Variants in MRPL30 observed in about 807,000 individuals in gnomAD.
MRPL30 encodes large ribosomal subunit protein uL30m.
Under a neutral mutation model 17.2 loss-of-function variants are expected in MRPL30, and 10 were observed. That is an observed-to-expected ratio of 0.58 (90% CI 0.36 to 0.99). The LOEUF (loss-of-function observed/expected upper bound fraction) is 0.99, where lower values mean the gene tolerates loss of function less well. MRPL30 is among the 50% of genes least tolerant of loss of function. The probability of loss-of-function intolerance (pLI) is 0.01; values close to 1 mark genes in which losing one functional copy is unlikely to be tolerated. For synonymous variants in MRPL30, 61 were observed against 62.1 expected (o/e 0.98, Z 0.08); for missense variants, 170 against 189.8 (o/e 0.90, Z 0.61).
chr2:99,194,205 G>A (rs1485620281), intron 3 of MRPL30, among the ~76,000 whole-genome samples: 2 of 151,888 alleles, frequency 1.3e-5, no homozygotes, highest in Non-Finnish European at 2.9e-5. Flanking sequence ...ATCCTTATTC[G>A]GTATATTTTG....
rs929464849 is a variant in MRPL30 at position 99,198,495 on chromosome 2, G to T, written c.*2790G>T. 2.6e-5 allele frequency among the ~76,000 whole-genome samples: 4 copies of T among 152,148 alleles called. No individual in the cohort carries two copies. In the East Asian group the frequency reaches 7.7e-4, roughly 29 times the overall value. ...TCAAATAAATGCAATCATGTGCCTCGTGTCACCTTTTTTGCATTCCATTCA... is the reference window on the plus strand; with the variant it reads ...TCAAATAAATGCAATCATGTGCCTCTTGTCACCTTTTTTGCATTCCATTCA... On this transcript the variant is annotated 3_prime_UTR_variant, in exon 6 of 6. Coordinates refer to ENST00000338148, the MANE Select transcript of MRPL30 (RefSeq NM_145212.4).
chr2:99,185,501 G>C (rs759349160), intron 1 of MRPL30, among the ~76,000 whole-genome samples: 1 of 152,094 alleles, frequency 6.6e-6, no homozygotes, highest in Non-Finnish European at 1.5e-5. Context: ...TAATCTTTCT[G>C]CTATCAGTAT....
chr2:99,185,686 G>A, intron 1 of MRPL30: 2 of 348,510 alleles, frequency 5.7e-6, no homozygotes, highest in South Asian at 4.2e-5. Flanking sequence ...ACTTGCCTAG[G>A]AATTAGGAGA....
Position 99,190,690 on chromosome 2 carries a change from G to T in MRPL30, c.132+2433G>T, listed in dbSNP as rs1391778597. The stretch of plus-strand genomic sequence containing the variant: ...TTCTGGAAGGATAGATACAAATGTT[G>T]GCATTCATTTAAAATATGCAAGGCT... On this transcript the variant is annotated intron_variant, in intron 3 of 5. Transcript: ENST00000338148. Among the ~76,000 whole-genome samples the T allele has an allele frequency of 2.0e-5, 3 of 152,050 alleles. No homozygotes were observed. The East Asian group carries it at 5.8e-4, about 29-fold the overall frequency.
chr2:99,186,232 A>C lies in MRPL30; in HGVS notation c.29A>C (p.Gln10Pro), dbSNP rs761347777. Residue 10 changes from glutamine (Q) to proline (P), a missense_variant, in exon 2 of 6, where the codon CAA (glutamine) becomes CCA (proline). Physicochemically the swap from Gln to Pro is moderately conservative, Grantham distance 76. Transcript: ENST00000338148. ...GCTGGGATTTTGCGCTTAGTAGTTC[A>C]ATGGCCCCCAGGCAGACTACAGGTA... MAGILRLVVQWPPGRLQTVT... is the reference protein window; with the variant it reads MAGILRLVVPWPPGRLQTVT... 4 of 1,613,990 alleles carry C rather than the reference A, an allele frequency of 2.5e-6. No homozygotes were observed. Among genetic ancestry groups the C allele is most frequent in the Non-Finnish European group, 3.4e-6 (4 of 1,179,988 alleles).
At chr2:99,187,849 T>G (rs1418158541) in intron 2 of MRPL30, among the ~76,000 whole-genome samples, 2 of 151,860 alleles carry the variant, frequency 1.3e-5, no homozygotes, top group Non-Finnish European at 2.9e-5. Context: ...AAGAAAAGTT[T>G]GCATATTGTC....
chr2:99,192,399 G>A (rs931275737), intron 3 of MRPL30, among the ~76,000 whole-genome samples: 2 of 152,036 alleles, frequency 1.3e-5, no homozygotes, highest in Admixed American at 6.6e-5. Context: ...CATGCATTAG[G>A]TGTTTGTCCT....
At chr2:99,187,688 C>T (rs1467575676) in intron 2 of MRPL30, among the ~76,000 whole-genome samples, 5 of 151,934 alleles carry the variant, frequency 3.3e-5, no homozygotes, top group African/African-American at 4.8e-5. Flanking sequence ...ATTAGCTGGA[C>T]GTGGTGGTGG....
Position 99,195,715 on chromosome 2 carries a change from A to G in MRPL30, c.*10A>G. On this transcript the variant is annotated 3_prime_UTR_variant, in exon 6 of 6. Transcript: ENST00000338148. ...AGCACATGAGTCCTAATGCCCCAGC[A>G]GCTTCCGATTGGAAAATGCAAATTG... 1.9e-6 allele frequency: 3 copies of G among 1,609,004 alleles called. No individual in the cohort carries two copies. The highest frequency in any genetic ancestry group is 2.5e-6 in the Non-Finnish European group (3 of 1,178,732).
chr2:99,189,252 C>G (rs769533941), intron 3 of MRPL30, among the ~76,000 whole-genome samples: 1 of 152,194 alleles, frequency 6.6e-6, no homozygotes, highest in Non-Finnish European at 1.5e-5. Context: ...CAGTATTATA[C>G]AGAATAGTTT....
Position 99,199,033 on chromosome 2 carries a change from A to G in MRPL30, c.*3328A>G, listed in dbSNP as rs2093959329. ...AGGACAGTTTGGAACTACACAGGCC[A>G]TTTTAGGGAGATTTTGACATGAACA... On this transcript the variant is annotated 3_prime_UTR_variant, in exon 6 of 6. Coordinates refer to ENST00000338148, the MANE Select transcript of MRPL30 (RefSeq NM_145212.4). Among the ~76,000 whole-genome samples, 1 of 152,100 alleles carries G rather than the reference A, an allele frequency of 6.6e-6. No homozygotes were observed.
At chr2:99,182,480 G>A (rs1477497469) in intron 1 of MRPL30, among the ~76,000 whole-genome samples, 2 of 152,246 alleles carry the variant, frequency 1.3e-5, no homozygotes, top group Admixed American at 6.5e-5. Context: ...GCGTGAACCC[G>A]GGAGGCGGAG....
intron 3 of MRPL30, among the ~76,000 whole-genome samples, chr2:99,189,235 A>G (rs1313959904): frequency 2.6e-5 from 4 of 152,202 alleles, no homozygotes; most frequent in Non-Finnish European, 5.9e-5. Context: ...TCATGTATCC[A>G]CTATTACAGT....
chr2:99,183,323 A>G (rs911874256), intron 1 of MRPL30, among the ~76,000 whole-genome samples: 25 of 152,176 alleles, frequency 1.6e-4, no homozygotes, highest in Non-Finnish European at 3.5e-4. Flanking sequence ...TAACCCCAGC[A>G]CTTTGGGAGC....
At chr2:99,181,910 T>C (rs1000660028) in intron 1 of MRPL30, among the ~76,000 whole-genome samples, 2 of 152,054 alleles carry the variant, frequency 1.3e-5, no homozygotes, top group African/African-American at 4.8e-5. Context: ...GAAGTGTTTT[T>C]CCCCCTTTAA....
chr2:99,195,554 G>A lies in MRPL30; in HGVS notation c.354-19G>A, dbSNP rs749491271. The stretch of plus-strand genomic sequence containing the variant: ...TAGAACGTATTCCTCCTATCTAAAC[G>A]CATTTTCTTGTGTCACAGAATCAAG... On this transcript the variant is annotated intron_variant, in intron 5 of 5. Coordinates refer to ENST00000338148, the MANE Select transcript of MRPL30 (RefSeq NM_145212.4). 10 of 1,589,268 alleles carry A rather than the reference G, an allele frequency of 6.3e-6. No homozygotes were observed. The East Asian group carries it at 1.1e-4, about 18-fold the overall frequency.
chr2:99,195,522 A>G lies in MRPL30; in HGVS notation c.354-51A>G, dbSNP rs371512638. 407 of 1,554,088 alleles carry G rather than the reference A, an allele frequency of 2.6e-4. 2 individuals carry two copies. The African/African-American group carries it at 4.9e-3, about 19-fold the overall frequency. On this transcript the variant is annotated intron_variant, in intron 5 of 5. Coordinates refer to ENST00000338148, the MANE Select transcript of MRPL30 (RefSeq NM_145212.4). ...AACTGTAGTTATCCTGCGGGGATAT[A>G]GAACGCTAGAACGTATTCCTCCTAT...
intron 2 of MRPL30, among the ~76,000 whole-genome samples, chr2:99,187,966 C>T (rs994397008): frequency 1.5e-4 from 23 of 152,142 alleles, no homozygotes; most frequent in Admixed American, 1.0e-3. Flanking sequence ...AAACGGTTAC[C>T]AATCCGTGGT....
At chr2:99,188,710 A>C (rs570940553) in intron 3 of MRPL30, among the ~76,000 whole-genome samples, 3 of 151,706 alleles carry the variant, frequency 2.0e-5, no homozygotes, top group African/African-American at 7.3e-5. Flanking sequence ...TTTGTTTAAA[A>C]TTTTTTTTTA....
Sources: allele counts gnomAD v4.1 joint callset (sites outside exome capture counted in the v4.1 genomes callset), GRCh38; gene constraint gnomAD v4.1.1; transcripts MANE v1.5; gene names NCBI Gene and HGNC (gene_info 2026-07-23, HGNC 2026-07-21).